The following C12orf54 variants were observed in gnomAD, a reference collection of about 807,000 sequenced individuals.
The protein encoded by C12orf54 is chromosome 12 open reading frame 54.
A neutral mutation model predicts 26.4 loss-of-function variants in C12orf54; 24 were observed. That is an observed-to-expected ratio of 0.91 (90% CI 0.66 to 1.28). The LOEUF (loss-of-function observed/expected upper bound fraction) is 1.28. C12orf54 is among the 50% of genes most tolerant of loss of function. The probability of loss-of-function intolerance (pLI) is 0.00; values close to 1 mark genes in which losing one functional copy is unlikely to be tolerated. For missense variants in C12orf54, 154 were observed against 150.9 expected, an observed-to-expected ratio of 1.02 and a Z score of -0.11; for synonymous variants, 54 against 47.0, an observed-to-expected ratio of 1.15 and a Z score of -0.61.
chr12:48,476,572 C>CA, the C12orf54 span, among the ~76,000 whole-genome samples: 3 of 151,638 alleles, frequency 2.0e-5, no homozygotes, highest in Admixed American at 6.6e-5. Context: ...AAATGGAAAA[C>CA]AAAAAAAGGC....
chr12:48,454,068 TTCTCTC>T, the C12orf54 span, among the ~76,000 whole-genome samples: 3 of 149,134 alleles, frequency 2.0e-5, no homozygotes, highest in Non-Finnish European at 4.5e-5. Flanking sequence ...ATCAAGACAG[TTCTCTC>T]TCTCTCTCTC....
the C12orf54 span, chr12:48,472,634 C>T: frequency 1.2e-6 from 2 of 1,612,956 alleles, no homozygotes; most frequent in Non-Finnish European, 1.7e-6. Context: ...ATTCCGCTGG[C>T]TCAGGAGCCT....
chr12:48,472,897 T>C, the C12orf54 span: 29 of 1,614,028 alleles, frequency 1.8e-5, no homozygotes, highest in Non-Finnish European at 2.3e-5. Context: ...AGAGCCTCAG[T>C]GGGCCTAGAA....
At chr12:48,454,337 G>C in the C12orf54 span, among the ~76,000 whole-genome samples, 3 of 152,042 alleles carry the variant, frequency 2.0e-5, no homozygotes, top group African/African-American at 4.8e-5. Flanking sequence ...CTGACGTCGT[G>C]ATCTGCCCAC....
At chr12:48,483,183 C>T (rs11829869) in intron 1 of C12orf54, 57 bp from the exon 2 acceptor site, 112,861 of 835,034 alleles carry the variant, frequency 0.14, 16,233 homozygotes, top group East Asian at 0.63. Flanking sequence ...ACTGAATAAG[C>T]GCTTTTCTTC....
At chr12:48,455,643 T>C in the C12orf54 span, among the ~76,000 whole-genome samples, 19 of 152,200 alleles carry the variant, frequency 1.2e-4, no homozygotes, top group African/African-American at 4.3e-4. Context: ...AAACCTGGAG[T>C]TGAGCAGCAC....
the C12orf54 span, among the ~76,000 whole-genome samples, chr12:48,445,385 T>G: frequency 6.6e-6 from 1 of 152,114 alleles, no homozygotes. Flanking sequence ...CCCAAAGCAG[T>G]GTGTTTTGCT....
intron 6 of C12orf54, 58 bp downstream of exon 6, chr12:48,490,894 C>A: frequency 6.3e-7 from 1 of 1,576,446 alleles, no homozygotes; most frequent in Non-Finnish European, 8.7e-7. Context: ...ATTTGGAATT[C>A]AAGTCTCATT....
At chr12:48,470,190 T>C in the C12orf54 span, among the ~76,000 whole-genome samples, 1 of 152,218 alleles carries the variant, frequency 6.6e-6, no homozygotes, top group Non-Finnish European at 1.5e-5. Flanking sequence ...GAATGATTTA[T>C]TTTCCTTTGG....
chr12:48,460,133 C>A, the C12orf54 span, among the ~76,000 whole-genome samples: 2 of 152,088 alleles, frequency 1.3e-5, no homozygotes, highest in Non-Finnish European at 1.5e-5. Context: ...TGAAGACAAG[C>A]CTTTCTTTGG....
the C12orf54 span, among the ~76,000 whole-genome samples, chr12:48,460,381 G>T: frequency 1.3e-5 from 2 of 151,978 alleles, no homozygotes; most frequent in South Asian, 4.1e-4. Context: ...GGCTTTTGGA[G>T]ACATATAAAC....
At chr12:48,490,100 G>C (rs1255870809) in intron 5 of C12orf54, among the ~76,000 whole-genome samples, 1 of 152,114 alleles carries the variant, frequency 6.6e-6, no homozygotes, top group Admixed American at 6.6e-5. Context: ...AATGAGGAGT[G>C]TAAAAGGGCC....
chr12:48,436,257 AG>A, the C12orf54 span, among the ~76,000 whole-genome samples: 57 of 152,330 alleles, frequency 3.7e-4, no homozygotes, highest in Admixed American at 1.2e-3. Flanking sequence ...AGATTCATAA[AG>A]CAAGTCCTGA....
chr12:48,454,157 G>A, the C12orf54 span, among the ~76,000 whole-genome samples: 9 of 142,664 alleles, frequency 6.3e-5, no homozygotes, highest in East Asian at 2.0e-4. Context: ...GCGAGAAGTC[G>A]TGCGATCTCA....
At chr12:48,484,813 G>A (rs1954239853) in intron 2 of C12orf54, among the ~76,000 whole-genome samples, 1 of 152,168 alleles carries the variant, frequency 6.6e-6, no homozygotes, top group African/African-American at 2.4e-5. Flanking sequence ...ATTACATATT[G>A]TATGCATTAT....
chr12:48,473,173 A>G, the C12orf54 span: 6 of 1,482,358 alleles, frequency 4.0e-6, no homozygotes, highest in Non-Finnish European at 4.7e-6. Context: ...CTGGATGACA[A>G]GGAGGAGGAT....
At chr12:48,451,170 T>G in the C12orf54 span, among the ~76,000 whole-genome samples, 3 of 152,186 alleles carry the variant, frequency 2.0e-5, no homozygotes, top group African/African-American at 7.2e-5. Flanking sequence ...CATGCAAGTT[T>G]GGTTCAACAT....
chr12:48,455,953 C>A, the C12orf54 span, among the ~76,000 whole-genome samples: 1 of 152,086 alleles, frequency 6.6e-6, no homozygotes, highest in Non-Finnish European at 1.5e-5. Context: ...TAAAAAATAA[C>A]GTGATTGAAT....
At position 48,494,681 on chromosome 12, in the gene C12orf54, G is replaced by T. The variant is rs1385732913; in HGVS notation, c.243-117G>T. The T allele has an allele frequency of 4.5e-6, 5 of 1,116,986 alleles. No homozygotes were observed. The East Asian group carries it at 1.2e-4, about 27-fold the overall frequency. The allele number at this position is 1,116,986 out of a possible 1,614,324, so 69.2% of individuals were successfully genotyped here. ...AATTGCAACTCCCAGAGCCTGAGAT[G>T]CCCATTCTTGGGGGAGTGTAATAAT... is the stretch of plus-strand genomic sequence containing the variant. On this transcript the variant is annotated intron_variant, in intron 7 of 8. Transcript: ENST00000548364.
Sources: allele counts gnomAD v4.1 joint callset (sites outside exome capture counted in the v4.1 genomes callset), GRCh38; gene constraint gnomAD v4.1.1; transcripts MANE v1.5; gene names NCBI Gene and HGNC (gene_info 2026-07-23, HGNC 2026-07-21).